PCDHA3: variants seen among roughly 807,000 people sequenced by gnomAD.
PCDHA3 encodes the protein protocadherin alpha-3.
PCDHA3 carries 41 observed loss-of-function variants against 62.2 expected under a neutral mutation model. The observed-to-expected ratio is 0.66, with a 90% CI of 0.51 to 0.86. PCDHA3 has a LOEUF of 0.86. Ranked by LOEUF, PCDHA3 falls within the 40% of genes least tolerant of loss-of-function variation. PCDHA3 has a pLI of 0.00. For missense variants in PCDHA3, 1,304 were observed against 1,241.2 expected (o/e 1.05, Z -0.76); for synonymous variants, 640 against 555.4 (o/e 1.15, Z -2.14).
Position 140,993,462 on chromosome 5 carries a change from T to A in PCDHA3, c.2542+10899T>A, listed in dbSNP as rs540334246. Among the ~76,000 whole-genome samples, 1,220 of 141,042 alleles carry A rather than the reference T, an allele frequency of 8.6e-3. 14 individuals carry two copies. The highest frequency in any genetic ancestry group is 0.02 in the African/African-American group (760 of 37,958). 92.5% of individuals were successfully genotyped at this position (141,042 alleles called of 152,430 possible). A position where few individuals can be genotyped will look rare whatever the true frequency, so the allele number is the denominator to read the frequency against. On this transcript the variant is annotated intron_variant, in intron 3 of 3. Coordinates refer to ENST00000522353, the MANE Select transcript of PCDHA3 (RefSeq NM_018906.3). ...CATTCCTGTTCTCCTTCTTTCTTTC[T>A]CACACACACACACACACACACACAC...
chr5:140,843,519 G>C (rs1392443820), intron 1 of PCDHA3: 3 of 1,595,904 alleles, frequency 1.9e-6, no homozygotes, highest in Non-Finnish European at 2.6e-6. Context: ...GGCGGGTGCC[G>C]GGCGGGCAAG....
rs548266069 is a variant in PCDHA3 at position 140,886,217 on chromosome 5, T to G, written c.2394+82626T>G. Among the ~76,000 whole-genome samples, 388 of 152,238 alleles carry G rather than the reference T, an allele frequency of 2.5e-3. 1 individual carries two copies. Among genetic ancestry groups the G allele is most frequent in the African/African-American group, 9.1e-3 (377 of 41,582 alleles). Reference sequence around the variant, plus strand: ...GTAATCTGTTCTCCATTTCTCTAATTTTGTTACTTTTACTTCAGAAATAAA... The same window carrying G: ...GTAATCTGTTCTCCATTTCTCTAATGTTGTTACTTTTACTTCAGAAATAAA... On this transcript the variant is annotated intron_variant, in intron 1 of 3. Coordinates refer to ENST00000522353, the MANE Select transcript of PCDHA3 (RefSeq NM_018906.3).
intron 1 of PCDHA3, chr5:140,876,123 C>T (rs782271666): frequency 6.2e-7 from 1 of 1,613,906 alleles, no homozygotes; most frequent in East Asian, 2.2e-5. Flanking sequence ...TAATCGATGG[C>T]GGTAAACCAG....
chr5:140,870,504 C>G (rs782464928), intron 1 of PCDHA3: 18 of 1,614,232 alleles, frequency 1.1e-5, no homozygotes, highest in Non-Finnish European at 3.4e-6. Context: ...AGGAGAACAA[C>G]CCACCAGGCT....
At chr5:140,904,164 T>C (rs1475689291) in intron 1 of PCDHA3, among the ~76,000 whole-genome samples, 1 of 152,078 alleles carries the variant, frequency 6.6e-6, no homozygotes, top group Non-Finnish European at 1.5e-5. Flanking sequence ...CAGTTTGTAG[T>C]CTTTTATTCC....
At chr5:140,861,319 C>G (rs781885907) in intron 1 of PCDHA3, 29 of 220,020 alleles carry the variant, frequency 1.3e-4, no homozygotes, top group Non-Finnish European at 2.1e-4. Context: ...ACCAGTTCCA[C>G]TACACCATCC....
chr5:140,843,871 A>G, intron 1 of PCDHA3: 1 of 816,250 alleles, frequency 1.2e-6, no homozygotes, highest in East Asian at 2.7e-5. Context: ...GAATTTTCTC[A>G]GTGGCATAAT....
At chr5:140,864,675 T>A (rs1331256646) in intron 1 of PCDHA3, 6 of 152,254 alleles carry the variant, frequency 3.9e-5, no homozygotes, top group African/African-American at 1.4e-4. Context: ...GTTGACTTAA[T>A]TGCTGCTGTC....
chr5:140,927,513 C>G, intron 1 of PCDHA3: 1 of 1,614,062 alleles, frequency 6.2e-7, no homozygotes, highest in Non-Finnish European at 8.5e-7. Context: ...CAGCTCGGGA[C>G]GGCGGGCTAC....
chr5:140,853,320 T>G lies in PCDHA3; in HGVS notation c.2394+49729T>G, dbSNP rs375907981. 1.5e-5 allele frequency: 15 copies of G among 984,926 alleles called. 1 individual carries two copies. The highest frequency in any genetic ancestry group is 5.3e-4 in the Middle Eastern group (1 of 1,886). The allele number at this position is 984,926 out of a possible 1,614,324, so 61.0% of individuals were successfully genotyped here. On this transcript the variant is annotated intron_variant, in intron 1 of 3. Coordinates refer to ENST00000522353, the MANE Select transcript of PCDHA3 (RefSeq NM_018906.3). ...GGGCTGTGAACACCTTAGTAATAAA[T>G]TTATCTTTTGAGGTCATTAGCAAAC...
At chr5:140,848,866 A>G (rs200652127) in intron 1 of PCDHA3, 6 of 1,590,776 alleles carry the variant, frequency 3.8e-6, no homozygotes, top group Admixed American at 1.7e-5. Flanking sequence ...GTGGAGGTGA[A>G]GGACATTAAC....
chr5:140,821,875 A>G (rs2150111512), intron 1 of PCDHA3: 1 of 1,614,180 alleles, frequency 6.2e-7, no homozygotes, highest in Admixed American at 1.7e-5. Flanking sequence ...CCACTACTCG[A>G]TCCCGGAGGA....
intron 1 of PCDHA3, chr5:140,830,264 G>A (rs748242537): frequency 6.2e-7 from 1 of 1,613,678 alleles, no homozygotes; most frequent in Non-Finnish European, 8.5e-7. Context: ...GCGGTGCTCG[G>A]CGCCACCCAC....
At chr5:140,994,355 G>A (rs2097616615) in intron 3 of PCDHA3, among the ~76,000 whole-genome samples, 2 of 152,240 alleles carry the variant, frequency 1.3e-5, no homozygotes, top group South Asian at 4.1e-4. Flanking sequence ...TGGGACCTCA[G>A]AAGATGGAAT....
chr5:140,835,837 A>C, intron 1 of PCDHA3: 1 of 1,612,374 alleles, frequency 6.2e-7, no homozygotes, highest in Non-Finnish European at 8.5e-7. Context: ...GCGGACGCGC[A>C]GAAGAACGCG....
intron 1 of PCDHA3, chr5:140,851,686 TGA>T: frequency 1.1e-6 from 1 of 926,568 alleles, no homozygotes; most frequent in Non-Finnish European, 1.3e-6. Context: ...CTCCATTCAG[TGA>T]TAAAATGATC....
chr5:140,836,400 G>T, intron 1 of PCDHA3: 1 of 1,613,760 alleles, frequency 6.2e-7, no homozygotes, highest in Non-Finnish European at 8.5e-7. Context: ...GGTGGAAAGC[G>T]GCCAGGCACC....
chr5:140,853,742 G>A, intron 1 of PCDHA3: 1 of 988,574 alleles, frequency 1.0e-6, no homozygotes, highest in Non-Finnish European at 1.2e-6. Context: ...GAATGTTCTG[G>A]TTCAAGGCTC....
At chr5:140,920,632 T>G (rs1054888668) in intron 1 of PCDHA3, among the ~76,000 whole-genome samples, 1 of 152,018 alleles carries the variant, frequency 6.6e-6, no homozygotes, top group South Asian at 2.1e-4. Context: ...GATCACAAGG[T>G]CAAGAGATTG....
Sources: gnomAD v4.1 joint callset for allele counts (sites outside exome capture counted in the v4.1 genomes callset) on GRCh38, gnomAD v4.1.1 for gene constraint, MANE v1.5 for transcripts, NCBI Gene and HGNC (gene_info 2026-07-23, HGNC 2026-07-21) for gene names.